Variants in SYT14 observed in about 807,000 individuals in gnomAD.
SYT14 encodes the protein synaptotagmin-14.
A neutral mutation model predicts 74.2 loss-of-function variants in SYT14; 32 were observed. The observed-to-expected ratio is 0.43, with a 90% confidence interval of 0.33 to 0.58. The LOEUF (loss-of-function observed/expected upper bound fraction) is 0.58, where lower values mean the gene tolerates loss of function less well. Ranked by LOEUF, SYT14 falls within the 20% of genes least tolerant of loss-of-function variation. The pLI is 0.05. For missense variants in SYT14, 791 were observed against 981.8 expected, an observed-to-expected ratio of 0.81 and a Z score of 2.60; for synonymous variants, 298 against 337.7, an observed-to-expected ratio of 0.88 and a Z score of 1.29.
In SYT14 at chr1:210,108,063, A is replaced by G. The variant is rs551096747; in HGVS notation, c.2034+7602A>G. Among the ~76,000 whole-genome samples the G allele has an allele frequency of 4.6e-5, 7 of 152,344 alleles. No individual in the cohort carries two copies. In the East Asian group the frequency reaches 1.3e-3, roughly 29 times the overall value. ...GGGATGGGAGAAAACACAGGACCAC[A>G]GTGAAAACTTAAATTTTCTTAAGTT... is the stretch of plus-strand genomic sequence containing the variant. On this transcript the variant is annotated intron_variant, in intron 7 of 9. Coordinates refer to ENST00000637265, the Ensembl canonical transcript of SYT14.
At chr1:210,025,327 GAC>G (rs2080387618) in intron 5 of SYT14, among the ~76,000 whole-genome samples, 1 of 152,158 alleles carries the variant, frequency 6.6e-6, no homozygotes, top group African/African-American at 2.4e-5. Flanking sequence ...GAAAATAAAT[GAC>G]ACACAAGGAA....
intron 6 of SYT14, among the ~76,000 whole-genome samples, chr1:210,097,377 A>T (rs1229399670): frequency 6.6e-6 from 1 of 152,188 alleles, no homozygotes; most frequent in Non-Finnish European, 1.5e-5. Context: ...CTAAATAAAG[A>T]TTTTTTAAAA....
intron 7 of SYT14, among the ~76,000 whole-genome samples, chr1:210,108,446 T>C (rs1365962298): frequency 6.6e-6 from 1 of 152,156 alleles, no homozygotes; most frequent in Non-Finnish European, 1.5e-5. Flanking sequence ...CTAATTTTGA[T>C]ATTGTGAAGG....
At chr1:210,150,462 C>G (rs2083135788) in intron 7 of SYT14, among the ~76,000 whole-genome samples, 1 of 152,200 alleles carries the variant, frequency 6.6e-6, no homozygotes, top group Non-Finnish European at 1.5e-5. Context: ...TTCTTCCTCT[C>G]TCCTGAAATT....
At chr1:210,125,185 A>G (rs1238523356) in intron 7 of SYT14, among the ~76,000 whole-genome samples, 1 of 152,010 alleles carries the variant, frequency 6.6e-6, no homozygotes, top group Non-Finnish European at 1.5e-5. Context: ...ATAGTACCCA[A>G]TGAGTAGTTT....
At chr1:210,074,144 C>T (rs1321852281) in intron 5 of SYT14, among the ~76,000 whole-genome samples, 1 of 152,156 alleles carries the variant, frequency 6.6e-6, no homozygotes, top group African/African-American at 2.4e-5. Flanking sequence ...TCACCTACCT[C>T]AGGGGGTTAC....
intron 5 of SYT14, among the ~76,000 whole-genome samples, chr1:210,071,103 C>T (rs952011097): frequency 3.3e-4 from 50 of 151,544 alleles, no homozygotes; most frequent in African/African-American, 1.1e-3. Context: ...TACTTAGAAA[C>T]ATTTCATAAT....
At chr1:209,942,043 C>T (rs898991957) in intron 1 of SYT14, among the ~76,000 whole-genome samples, 4 of 152,156 alleles carry the variant, frequency 2.6e-5, no homozygotes, top group African/African-American at 9.7e-5. Flanking sequence ...CACTGTAGGC[C>T]TAACTACGTT....
chr1:209,990,558 T>TGTATATATATAC lies in SYT14; in HGVS notation c.-485-23075_-485-23074insGTATATATATAC, dbSNP rs1553262374. On this transcript the variant is annotated intron_variant, in intron 2 of 9. Coordinates refer to ENST00000637265, the Ensembl canonical transcript of SYT14. ...ATATACGTATATATATGTATATATA[T>TGTATATATATAC]ACGTATATATATGTATGTATATTTC... is the stretch of plus-strand genomic sequence containing the variant. Among the ~76,000 whole-genome samples the TGTATATATATAC allele has an allele frequency of 3.1e-3, 237 of 77,406 alleles. 10 individuals carry two copies. Among genetic ancestry groups the TGTATATATATAC allele is most frequent in the African/African-American group, 0.01 (159 of 15,646 alleles). 50.8% of individuals were successfully genotyped at this position (77,406 alleles called of 152,430 possible).
chr1:210,149,584 A>G (rs7516843), intron 7 of SYT14, among the ~76,000 whole-genome samples: 38,848 of 152,046 alleles, frequency 0.26, 5,972 homozygotes, highest in East Asian at 0.42. Context: ...ATGTTCTATG[A>G]TTCATTTTTC....
chr1:210,121,596 C>T (rs1205538467), intron 7 of SYT14, among the ~76,000 whole-genome samples: 1 of 151,976 alleles, frequency 6.6e-6, no homozygotes, highest in Non-Finnish European at 1.5e-5. Flanking sequence ...AGATTGAGAC[C>T]ATCCTGGCTA....
intron 3 of SYT14, among the ~76,000 whole-genome samples, chr1:210,015,492 AG>A (rs1479334282): frequency 2.0e-5 from 3 of 152,224 alleles, no homozygotes; most frequent in African/African-American, 7.2e-5. Context: ...GCCACTCAGC[AG>A]GTGTCCACAC....
At chr1:210,136,667 T>G (rs954767321) in intron 7 of SYT14, among the ~76,000 whole-genome samples, 2 of 152,076 alleles carry the variant, frequency 1.3e-5, no homozygotes, top group Non-Finnish European at 2.9e-5. Context: ...ATGAGAGCAG[T>G]TGAGTGGGCA....
At chr1:210,101,180 C>T (rs1040304182) in intron 7 of SYT14, among the ~76,000 whole-genome samples, 1 of 151,866 alleles carries the variant, frequency 6.6e-6, no homozygotes, top group African/African-American at 2.4e-5. Context: ...TTATTTAAAC[C>T]AGGGAGATAC....
exon 10 of SYT14, chr1:210,161,714 C>T (rs543388429): frequency 3.3e-5 from 15 of 453,560 alleles, no homozygotes; most frequent in African/African-American, 8.0e-5. Context: ...CATTTGCCTC[C>T]GCTTTCGCCT....
intron 8 of SYT14, 48 bp downstream of exon 7, chr1:210,155,958 G>T: frequency 1.9e-6 from 3 of 1,562,322 alleles, no homozygotes; most frequent in Non-Finnish European, 2.6e-6. Flanking sequence ...TGCACTTTTG[G>T]GACTCTCAGT....
chr1:210,074,961 G>C (rs1361936358), intron 5 of SYT14, among the ~76,000 whole-genome samples: 1 of 152,224 alleles, frequency 6.6e-6, no homozygotes, highest in African/African-American at 2.4e-5. Flanking sequence ...TGTATCCCAG[G>C]GTTCTTGCCT....
intron 5 of SYT14, among the ~76,000 whole-genome samples, chr1:210,052,491 C>T (rs1329409116): frequency 5.9e-5 from 9 of 151,536 alleles, no homozygotes; most frequent in African/African-American, 1.2e-4. Flanking sequence ...GGTGAAACCC[C>T]GTCTCTACTA....
intron 5 of SYT14, among the ~76,000 whole-genome samples, chr1:210,080,782 G>A (rs552760002): frequency 2.6e-5 from 4 of 152,182 alleles, no homozygotes; most frequent in African/African-American, 4.8e-5. Context: ...TGGAAGCAAC[G>A]TGTGCTGTAG....
Sources: gnomAD v4.1 joint callset for allele counts (sites outside exome capture counted in the v4.1 genomes callset) on GRCh38, gnomAD v4.1.1 for gene constraint, MANE v1.5 for transcripts, NCBI Gene and HGNC (gene_info 2026-07-23, HGNC 2026-07-21) for gene names.